SLC35F2: variants seen among roughly 807,000 people sequenced by gnomAD.
SLC35F2 encodes queuine/queuosine transporter SLC35F2.
SLC35F2 carries 25 observed loss-of-function variants against 38.1 expected under a neutral mutation model. The observed-to-expected ratio is 0.66, with a 90% confidence interval of 0.48 to 0.92. The LOEUF (loss-of-function observed/expected upper bound fraction) is 0.92. Among genes scored for constraint, SLC35F2 ranks in the 40% least tolerant of loss-of-function variants. The pLI, the probability that SLC35F2 is intolerant of heterozygous loss-of-function variation, is 0.00. For synonymous variants in SLC35F2, 173 were observed against 181.7 expected (o/e 0.95, Z 0.38); for missense variants, 409 against 452.9 (o/e 0.90, Z 0.88).
chr11:107,825,018 A>G (rs73003344), intron 1 of SLC35F2, among the ~76,000 whole-genome samples: 8,764 of 152,320 alleles, frequency 0.058, 516 homozygotes, highest in African/African-American at 0.15. Context: ...TAAATAAAAT[A>G]GCCATATATG....
At chr11:107,827,452 TA>T (rs1342411226) in intron 1 of SLC35F2, among the ~76,000 whole-genome samples, 1 of 151,744 alleles carries the variant, frequency 6.6e-6, no homozygotes, top group African/African-American at 2.4e-5. Context: ...CCATCTCTAC[TA>T]AAAATACAAA....
intron 1 of SLC35F2, among the ~76,000 whole-genome samples, chr11:107,849,011 G>A (rs900771678): frequency 6.6e-6 from 1 of 152,142 alleles, no homozygotes; most frequent in Non-Finnish European, 1.5e-5. Context: ...GAGTAAAGCA[G>A]CTCTGGATTT....
At chr11:107,813,760 G>T (rs1288035953) in intron 2 of SLC35F2, among the ~76,000 whole-genome samples, 1 of 152,074 alleles carries the variant, frequency 6.6e-6, no homozygotes, top group African/African-American at 2.4e-5. Flanking sequence ...CAGCCTCTTG[G>T]GATCAAGCCA....
Position 107,811,803 on chromosome 11 carries a change from A to T in SLC35F2, c.287-9T>A. The T allele has an allele frequency of 1.2e-6, 2 of 1,612,944 alleles. No homozygotes were observed. Among genetic ancestry groups the T allele is most frequent in the Non-Finnish European group, 1.7e-6 (2 of 1,179,262 alleles). On this transcript the variant is annotated splice_polypyrimidine_tract_variant and intron_variant, in intron 2 of 7. Coordinates refer to ENST00000525815, the MANE Select transcript of SLC35F2 (RefSeq NM_017515.5). ...TAAAAGGTTATCACTGCCTGGTTGAAAGAAATATGGGTTAGTACATGTTAC... is the reference window on the plus strand; with the variant it reads ...TAAAAGGTTATCACTGCCTGGTTGATAGAAATATGGGTTAGTACATGTTAC...
intron 1 of SLC35F2, among the ~76,000 whole-genome samples, chr11:107,832,879 C>T (rs933854036): frequency 1.3e-5 from 2 of 152,130 alleles, no homozygotes; most frequent in Non-Finnish European, 2.9e-5. Flanking sequence ...CATTGGAAGG[C>T]TTCCCCTCAA....
chr11:107,792,390 T>G lies in SLC35F2; in HGVS notation c.*225A>C. 2 of 476,682 alleles carry G rather than the reference T, an allele frequency of 4.2e-6. No homozygotes were observed. The highest frequency in any genetic ancestry group is 3.7e-6 in the Non-Finnish European group (1 of 272,268). 29.5% of individuals were successfully genotyped at this position (476,682 alleles called of 1,614,324 possible). ...ACCTCATCTCCTCAACACGAACAGA[T>G]ATTGGTCCTCAAACACAGAAACACA... On this transcript the variant is annotated 3_prime_UTR_variant, in exon 8 of 8. Coordinates refer to ENST00000525815, the MANE Select transcript of SLC35F2 (RefSeq NM_017515.5).
At chr11:107,849,594 G>A (rs1860144979) in intron 1 of SLC35F2, among the ~76,000 whole-genome samples, 1 of 148,888 alleles carries the variant, frequency 6.7e-6, no homozygotes, top group Non-Finnish European at 1.5e-5. Flanking sequence ...AGCTGAGATT[G>A]CGCCACTGCA....
intron 5 of SLC35F2, 70 bp from the exon 6 acceptor site, chr11:107,804,840 C>G: frequency 7.6e-7 from 1 of 1,311,422 alleles, no homozygotes. Flanking sequence ...GCATTTTAGT[C>G]ACTATACTTC....
intron 7 of SLC35F2, among the ~76,000 whole-genome samples, chr11:107,796,412 A>G (rs1278565046): frequency 6.6e-6 from 1 of 152,216 alleles, no homozygotes; most frequent in Non-Finnish European, 1.5e-5. Flanking sequence ...TAACGAAAAT[A>G]TGATATATAA....
chr11:107,837,525 TAAAA>T (rs57873203), intron 1 of SLC35F2, among the ~76,000 whole-genome samples: 6 of 121,842 alleles, frequency 4.9e-5, no homozygotes, highest in African/African-American at 1.9e-4. Flanking sequence ...CTGTCTCTAC[TAAAA>T]AAAAAAAAAA....
chr11:107,818,072 A>AAAAAAAAG (rs1555084051), intron 1 of SLC35F2, among the ~76,000 whole-genome samples: 8 of 68,482 alleles, frequency 1.2e-4, no homozygotes, highest in East Asian at 4.3e-4. Flanking sequence ...AAAAAAAAAA[A>AAAAAAAAG]AAAGAAAGAA....
chr11:107,825,955 T>A (rs1859747925), intron 1 of SLC35F2, among the ~76,000 whole-genome samples: 1 of 152,118 alleles, frequency 6.6e-6, no homozygotes, highest in African/African-American at 2.4e-5. Context: ...TTTCTAGCAA[T>A]TTTGTCTCAA....
intron 1 of SLC35F2, among the ~76,000 whole-genome samples, chr11:107,844,662 A>AAATG (rs1313739122): frequency 9.3e-5 from 11 of 118,132 alleles, no homozygotes; most frequent in Non-Finnish European, 2.1e-4. Context: ...ATAAATAAAT[A>AAATG]AATAAATAAA....
At chr11:107,843,868 AATATAT>A (rs1178673709) in intron 1 of SLC35F2, among the ~76,000 whole-genome samples, 643 of 46,682 alleles carry the variant, frequency 0.014, 9 homozygotes, top group East Asian at 0.019. Context: ...AAAAAAAAAA[AATATAT>A]ATATATATAT....
intron 1 of SLC35F2, among the ~76,000 whole-genome samples, chr11:107,829,656 C>T (rs1237545974): frequency 7.4e-6 from 1 of 134,604 alleles, no homozygotes. Context: ...GATGGTAGTA[C>T]ATAATACCTA....
intron 1 of SLC35F2, among the ~76,000 whole-genome samples, chr11:107,837,927 T>C (rs903395504): frequency 7.7e-6 from 1 of 130,036 alleles, no homozygotes; most frequent in Admixed American, 8.5e-5. Flanking sequence ...TATACACACA[T>C]AGTCTCACAA....
In SLC35F2 at chr11:107,843,866, AAAATATATATATATATATATATATATAT is replaced by A. The variant is rs1350449199; in HGVS notation, c.110+14764_110+14791del. On this transcript the variant is annotated intron_variant, in intron 1 of 7. Coordinates refer to ENST00000525815, the MANE Select transcript of SLC35F2 (RefSeq NM_017515.5). ...TATCTTAAAAAAAAAAAAAAAAAAA[AAAATATATATATATATATATATATATAT>A]ATATATATATATATGTATATTAATT... Among the ~76,000 whole-genome samples, 9 of 38,474 alleles carry A rather than the reference AAAATATATATATATATATATATATATAT, an allele frequency of 2.3e-4. No homozygotes were observed. In the South Asian group the frequency reaches 8.0e-3, roughly 34 times the overall value. 25.2% of individuals were successfully genotyped at this position (38,474 alleles called of 152,430 possible). A position where few individuals can be genotyped will look rare whatever the true frequency, so the allele number is the denominator to read the frequency against.
In SLC35F2 at chr11:107,809,437, G is replaced by A. The variant is rs373205099; in HGVS notation, c.414+2230C>T. 9.0e-5 allele frequency among the ~76,000 whole-genome samples: 13 copies of A among 144,130 alleles called. No individual in the cohort carries two copies. The East Asian group carries it at 2.0e-3, about 23-fold the overall frequency. The allele number at this position is 144,130 out of a possible 152,430, so 94.6% of individuals were successfully genotyped here. A position where few individuals can be genotyped will look rare whatever the true frequency, so the allele number is the denominator to read the frequency against. On this transcript the variant is annotated intron_variant, in intron 3 of 7. Coordinates refer to ENST00000525815, the MANE Select transcript of SLC35F2 (RefSeq NM_017515.5). ...AGATTATCCCACTTCACTCCAGCTCGGTGACAGAATGAGACTCCACCTCAA... is the reference window on the plus strand; with the variant it reads ...AGATTATCCCACTTCACTCCAGCTCAGTGACAGAATGAGACTCCACCTCAA...
chr11:107,801,064 C>T (rs1295873554), intron 7 of SLC35F2, among the ~76,000 whole-genome samples: 1 of 151,998 alleles, frequency 6.6e-6, no homozygotes, highest in Non-Finnish European at 1.5e-5. Flanking sequence ...GCCACCACAC[C>T]CTGCTAATTT....
Sources: gnomAD v4.1 joint callset for allele counts (sites outside exome capture counted in the v4.1 genomes callset) on GRCh38, gnomAD v4.1.1 for gene constraint, MANE v1.5 for transcripts, NCBI Gene and HGNC (gene_info 2026-07-23, HGNC 2026-07-21) for gene names.